Variants in NXPH1 observed in about 807,000 individuals in gnomAD.
NXPH1 encodes neurexophilin-1.
NXPH1 carries 5 observed loss-of-function variants against 23.7 expected under a neutral mutation model. The observed-to-expected ratio is 0.21, with a 90% CI of 0.11 to 0.44. The LOEUF is 0.44. Among genes scored for constraint, NXPH1 ranks in the 20% least tolerant of loss-of-function variants. The probability of loss-of-function intolerance (pLI) is 0.99; values close to 1 mark genes in which losing one functional copy is unlikely to be tolerated. For missense variants in NXPH1, 324 were observed against 321.6 expected (o/e 1.01, Z -0.06); for synonymous variants, 144 against 122.2 (o/e 1.18, Z -1.18).
chr7:8,688,417 T>A (rs1821180182), intron 2 of NXPH1, among the ~76,000 whole-genome samples: 1 of 152,182 alleles, frequency 6.6e-6, no homozygotes, highest in South Asian at 2.1e-4. Context: ...GGTTCTTATT[T>A]TTTTCTGTTA....
chr7:8,666,197 A>G (rs1310673507), intron 2 of NXPH1, among the ~76,000 whole-genome samples: 1 of 151,770 alleles, frequency 6.6e-6, no homozygotes, highest in African/African-American at 2.4e-5. Context: ...TATGGCCTTT[A>G]TTGTGTTGAG....
chr7:8,470,156 G>A (rs148492371), intron 2 of NXPH1, among the ~76,000 whole-genome samples: 1,905 of 152,192 alleles, frequency 0.013, 32 homozygotes, highest in African/African-American at 0.042. Flanking sequence ...TCTAGAGTTG[G>A]CCATGGCCCA....
intron 2 of NXPH1, among the ~76,000 whole-genome samples, chr7:8,692,412 G>A (rs1400305155): frequency 1.3e-5 from 2 of 152,038 alleles, no homozygotes; most frequent in Non-Finnish European, 2.9e-5. Flanking sequence ...GGCAGAATGG[G>A]GTCAAGTTTT....
At chr7:8,698,760 T>C (rs902153533) in intron 2 of NXPH1, among the ~76,000 whole-genome samples, 13 of 152,150 alleles carry the variant, frequency 8.5e-5, no homozygotes, top group African/African-American at 3.1e-4. Flanking sequence ...TTTATGGTTA[T>C]GACCAGTTTA....
intron 2 of NXPH1, among the ~76,000 whole-genome samples, chr7:8,464,133 C>T (rs1405163297): frequency 6.6e-6 from 1 of 152,046 alleles, no homozygotes; most frequent in African/African-American, 2.4e-5. Flanking sequence ...TTCCTTCTCC[C>T]CCATATCTAA....
Position 8,582,916 on chromosome 7 carries a change from C to T in NXPH1, c.54+147149C>T, listed in dbSNP as rs146867690. On this transcript the variant is annotated intron_variant, in intron 2 of 2. Transcript: ENST00000405863. The stretch of plus-strand genomic sequence containing the variant: ...TTGTCAATGGCACCCAGGCTGTTCA[C>T]GCTGAGGGGCAGCTGCAGGCCCACG... Among the ~76,000 whole-genome samples, 86 of 152,312 alleles carry T rather than the reference C, an allele frequency of 5.6e-4. No individual in the cohort carries two copies. In the East Asian group the frequency reaches 0.015, roughly 27 times the overall value.
intron 2 of NXPH1, among the ~76,000 whole-genome samples, chr7:8,734,896 TC>T (rs1285877531): frequency 6.6e-6 from 1 of 152,206 alleles, no homozygotes; most frequent in Non-Finnish European, 1.5e-5. Context: ...TATTTTATTC[TC>T]TTTATAGCAA....
At chr7:8,605,276 G>A (rs961599910) in intron 2 of NXPH1, among the ~76,000 whole-genome samples, 2 of 152,144 alleles carry the variant, frequency 1.3e-5, no homozygotes, top group African/African-American at 2.4e-5. Context: ...ATACTCAACA[G>A]ATGGCAAAGT....
chr7:8,744,805 A>C (rs1361875500), intron 2 of NXPH1, among the ~76,000 whole-genome samples: 2 of 152,216 alleles, frequency 1.3e-5, no homozygotes, highest in African/African-American at 4.8e-5. Context: ...AAGAATCATC[A>C]AGCTTAGTTA....
intron 2 of NXPH1, among the ~76,000 whole-genome samples, chr7:8,708,818 T>G (rs1394972276): frequency 3.3e-5 from 5 of 152,204 alleles, no homozygotes; most frequent in Non-Finnish European, 1.5e-5. Flanking sequence ...ATCCTTGATA[T>G]TCTCTATATC....
chr7:8,523,905 A>G (rs1156444848), intron 2 of NXPH1, among the ~76,000 whole-genome samples: 4 of 152,132 alleles, frequency 2.6e-5, no homozygotes, highest in African/African-American at 9.7e-5. Context: ...CAGAAAATCA[A>G]GCGTGAGAGA....
At chr7:8,506,394 A>C (rs564261484) in intron 2 of NXPH1, among the ~76,000 whole-genome samples, 36 of 152,124 alleles carry the variant, frequency 2.4e-4, no homozygotes, top group Admixed American at 1.6e-3. Flanking sequence ...TGGGGATGCT[A>C]TTAATATTTC....
At chr7:8,645,327 T>G (rs1188192766) in intron 2 of NXPH1, among the ~76,000 whole-genome samples, 4 of 152,102 alleles carry the variant, frequency 2.6e-5, no homozygotes, top group South Asian at 4.1e-4. Context: ...TCAGCAATAT[T>G]TTCAAAGCTT....
intron 2 of NXPH1, among the ~76,000 whole-genome samples, chr7:8,465,135 A>G (rs551418133): frequency 3.7e-4 from 57 of 152,374 alleles, no homozygotes; most frequent in South Asian, 1.2e-3. Flanking sequence ...TTTATAGTAT[A>G]GGGGATCTCC....
In NXPH1 at chr7:8,751,953, C is replaced by T. The variant is rs1314935613; in HGVS notation, c.*184C>T. On this transcript the variant is annotated 3_prime_UTR_variant, in exon 3 of 3. Transcript: ENST00000405863. This position sits in a 1 kb window ranked among gnomAD's most constrained non-coding sequence, Gnocchi z 4.5. Reference sequence around the variant, plus strand: ...TAATTTCTGCCCAGTCAGCTTCATCCCTCAGTATAATTGTAAATCATCACA... The same window carrying T: ...TAATTTCTGCCCAGTCAGCTTCATCTCTCAGTATAATTGTAAATCATCACA... 1 of 587,834 alleles carries T rather than the reference C, an allele frequency of 1.7e-6. No individual in the cohort carries two copies. The highest frequency in any genetic ancestry group is 2.8e-5 in the East Asian group (1 of 35,590). The allele number at this position is 587,834 out of a possible 1,614,324, so 36.4% of individuals were successfully genotyped here. A position where few individuals can be genotyped will look rare whatever the true frequency, so the allele number is the denominator to read the frequency against.
At chr7:8,511,054 C>T (rs1817603466) in intron 2 of NXPH1, among the ~76,000 whole-genome samples, 2 of 152,030 alleles carry the variant, frequency 1.3e-5, no homozygotes, top group African/African-American at 2.4e-5. Flanking sequence ...GCAGAAAAAC[C>T]TTATTTTAAG....
chr7:8,553,615 G>A (rs1818311183), intron 2 of NXPH1, among the ~76,000 whole-genome samples: 1 of 151,522 alleles, frequency 6.6e-6, no homozygotes. Context: ...CAGGGTAATA[G>A]TTTAGAATAT....
intron 2 of NXPH1, among the ~76,000 whole-genome samples, chr7:8,491,221 C>G (rs1164769229): frequency 6.6e-6 from 1 of 151,932 alleles, no homozygotes; most frequent in African/African-American, 2.4e-5. Context: ...CATTTCCAGC[C>G]AGGCATAATT....
chr7:8,443,586 G>C (rs1816344206), intron 2 of NXPH1, among the ~76,000 whole-genome samples: 1 of 152,234 alleles, frequency 6.6e-6, no homozygotes, highest in Non-Finnish European at 1.5e-5. Flanking sequence ...GGAGAGGGTG[G>C]GGAGAGTCCT....
Sources: allele counts gnomAD v4.1 joint callset (sites outside exome capture counted in the v4.1 genomes callset), GRCh38; gene constraint gnomAD v4.1.1; non-coding constraint Gnocchi (gnomAD v3.1); transcripts MANE v1.5; gene names NCBI Gene and HGNC (gene_info 2026-07-23, HGNC 2026-07-21).